The following SLFN5 variants were observed in gnomAD, a reference collection of about 807,000 sequenced individuals.
The protein encoded by SLFN5 is schlafen family member 5.
A neutral mutation model predicts 48.5 loss-of-function variants in SLFN5; 34 were observed. The observed-to-expected ratio is 0.70, with a 90% confidence interval of 0.53 to 0.93. The LOEUF (loss-of-function observed/expected upper bound fraction) is 0.93. Ranked by LOEUF, SLFN5 falls within the 40% of genes least tolerant of loss-of-function variation. The pLI is 0.00. For missense variants in SLFN5, 1,006 were observed against 1,071.3 expected, an observed-to-expected ratio of 0.94 and a Z score of 0.85; for synonymous variants, 387 against 396.2, an observed-to-expected ratio of 0.98 and a Z score of 0.28.
intron 1 of SLFN5, among the ~76,000 whole-genome samples, chr17:35,249,779 C>T (rs1482525003): frequency 1.3e-5 from 2 of 152,166 alleles, no homozygotes; most frequent in African/African-American, 2.4e-5. Context: ...TCAAGTTGCA[C>T]CTGCTATGAA....
Position 35,259,423 on chromosome 17 carries a change from A to G in SLFN5, c.733A>G (p.Lys245Glu). ...TCQVIGCEKE[K>E]IDLTSLRASI... ...TCAAGTGATTGGATGTGAAAAAGAG[A>G]AAATAGACCTTACGAGCTTGAGGGC... Residue 245 changes from lysine (K) to glutamate (E), a missense_variant, in exon 2 of 5, where the codon AAA becomes GAA. Physicochemically the swap from Lys to Glu is moderately conservative, Grantham distance 56 (BLOSUM62 1). Coordinates refer to ENST00000299977, the MANE Select transcript of SLFN5 (RefSeq NM_144975.4). 1 of 1,614,190 alleles carries G rather than the reference A, an allele frequency of 6.2e-7. No homozygotes were observed. Among genetic ancestry groups the G allele is most frequent in the South Asian group, 1.1e-5 (1 of 91,072 alleles).
chr17:35,253,690 GTTTTTTTTTT>G (rs57606643), intron 1 of SLFN5, among the ~76,000 whole-genome samples: 5 of 76,046 alleles, frequency 6.6e-5, no homozygotes, highest in African/African-American at 2.5e-4. Context: ...ATAGCTAACA[GTTTTTTTTTT>G]TTTTTTTTTT....
chr17:35,254,031 T>C (rs1047550826), intron 1 of SLFN5, among the ~76,000 whole-genome samples: 5 of 152,114 alleles, frequency 3.3e-5, no homozygotes, highest in African/African-American at 4.8e-5. Context: ...CTTCTCCACA[T>C]CCTGCCAATA....
chr17:35,260,340 A>G (rs1375531484), intron 2 of SLFN5, among the ~76,000 whole-genome samples: 2 of 152,230 alleles, frequency 1.3e-5, no homozygotes, highest in African/African-American at 4.8e-5. Flanking sequence ...GTCCAGAAAA[A>G]ACAAAGTCCA....
chr17:35,252,339 G>A (rs1237957207), intron 1 of SLFN5, among the ~76,000 whole-genome samples: 1 of 152,156 alleles, frequency 6.6e-6, no homozygotes, highest in Non-Finnish European at 1.5e-5. Context: ...GCTAAGGCAG[G>A]AGGATAGCTT....
chr17:35,247,993 G>A (rs2092434515), intron 1 of SLFN5, among the ~76,000 whole-genome samples: 1 of 152,176 alleles, frequency 6.6e-6, no homozygotes, highest in African/African-American at 2.4e-5. Context: ...GTCTGTGTTA[G>A]GAGGTGCCCA....
At position 35,265,736 on chromosome 17, in the gene SLFN5, T is replaced by A. The variant is rs1221555427; in HGVS notation, c.2524T>A (p.Leu842Met). ...GGATGTTCTAACCGATCACATTGTGTTGGACAGTGTCTGTCGATTTTCAGG... is the reference window on the plus strand; with the variant it reads ...GGATGTTCTAACCGATCACATTGTGATGGACAGTGTCTGTCGATTTTCAGG... ...ASDVLTDHIV[L>M]DSVCRFSGLE... Residue 842 changes from leucine to methionine, a missense_variant, in exon 5 of 5, where the codon TTG becomes ATG. Coordinates refer to ENST00000299977, the MANE Select transcript of SLFN5 (RefSeq NM_144975.4). 6.2e-6 allele frequency: 10 copies of A among 1,614,060 alleles called. No individual in the cohort carries two copies. The highest frequency in any genetic ancestry group is 1.3e-5 in the African/African-American group (1 of 74,910).
At chr17:35,255,352 C>T (rs989150314) in intron 1 of SLFN5, among the ~76,000 whole-genome samples, 6 of 152,156 alleles carry the variant, frequency 3.9e-5, no homozygotes, top group South Asian at 2.1e-4. Flanking sequence ...ACATTGAGCA[C>T]ATATTACTTT....
In SLFN5 at chr17:35,257,449, C is replaced by G. The variant is rs139421892; in HGVS notation, c.-40-1202C>G. On this transcript the variant is annotated intron_variant, in intron 1 of 4. Coordinates refer to ENST00000299977, the MANE Select transcript of SLFN5 (RefSeq NM_144975.4). ...GACAGGTGGCTTTTCCTGGCAACAC[C>G]CCAACAAAAACTTGAGCTCTTTTGC... is the stretch of plus-strand genomic sequence containing the variant. Among the ~76,000 whole-genome samples the G allele has an allele frequency of 4.0e-3, 606 of 152,280 alleles. 2 individuals are homozygous for G. Among genetic ancestry groups the G allele is most frequent in the African/African-American group, 0.014 (574 of 41,544 alleles).
At chr17:35,245,682 G>T (rs972503401) in intron 1 of SLFN5, among the ~76,000 whole-genome samples, 1 of 151,940 alleles carries the variant, frequency 6.6e-6, no homozygotes, top group Admixed American at 6.6e-5. Flanking sequence ...TTTTTATTAC[G>T]GTTGAGTAGT....
rs746098251 is a variant in SLFN5, at chr17:35,265,899, A to G, written c.*11A>G. 1 of 1,562,220 alleles carries G rather than the reference A, an allele frequency of 6.4e-7. No homozygotes were observed. The highest frequency in any genetic ancestry group is 1.4e-5 in the African/African-American group (1 of 72,808). ...AAGGCTTCTGTGTGACAGGAAACCC[A>G]AGCCTAAGAAACAATTAAGTGGTTC... is the stretch of plus-strand genomic sequence containing the variant. On this transcript the variant is annotated 3_prime_UTR_variant, in exon 5 of 5. Transcript: ENST00000299977.
rs1904501660 is a variant in SLFN5, at chr17:35,260,912, C to G, written c.1013-59C>G. The G allele has an allele frequency of 1.9e-6, 3 of 1,598,860 alleles. No individual in the cohort carries two copies. The African/African-American group carries it at 4.0e-5, about 21-fold the overall frequency. ...AGGTGAAAGACTTTGTAGCACAGCT[C>G]AGCTATAAGTTGGGGTCTGCCTTTT... On this transcript the variant is annotated intron_variant, in intron 2 of 4. Coordinates refer to ENST00000299977, the MANE Select transcript of SLFN5 (RefSeq NM_144975.4).
At chr17:35,246,980 A>G (rs537116297) in intron 1 of SLFN5, among the ~76,000 whole-genome samples, 4 of 152,320 alleles carry the variant, frequency 2.6e-5, no homozygotes, top group African/African-American at 9.6e-5. Flanking sequence ...GGCTAAATAT[A>G]CATACAAACT....
chr17:35,256,161 C>G (rs1904337133), intron 1 of SLFN5, among the ~76,000 whole-genome samples: 1 of 152,208 alleles, frequency 6.6e-6, no homozygotes, highest in Non-Finnish European at 1.5e-5. Flanking sequence ...GAGTTCAAGA[C>G]CAGCCTGGCA....
intron 1 of SLFN5, among the ~76,000 whole-genome samples, chr17:35,257,328 G>A (rs943804940): frequency 6.6e-6 from 1 of 152,118 alleles, no homozygotes; most frequent in Non-Finnish European, 1.5e-5. Context: ...GTCCTAAAAA[G>A]ATTAATTTTA....
rs1280248406 is a variant in SLFN5 at position 35,266,175 on chromosome 17, T to TGC, written c.*288_*289insCG. The TGC allele has an allele frequency of 0.025, 5,022 of 200,108 alleles. 126 individuals carry two copies. The highest frequency in any genetic ancestry group is 0.098 in the African/African-American group (3,279 of 33,544). The allele number at this position is 200,108 out of a possible 1,614,324, so 12.4% of individuals were successfully genotyped here. A position where few individuals can be genotyped will look rare whatever the true frequency, so the allele number is the denominator to read the frequency against. ...GTGTGTGTGTGTGTGTGTGTGTGTGTGTGCGCGCGCGCACGTGCACATGTG... is the reference window on the plus strand; with the variant it reads ...GTGTGTGTGTGTGTGTGTGTGTGTGTGCGTGCGCGCGCGCACGTGCACATGTG... On this transcript the variant is annotated 3_prime_UTR_variant, in exon 5 of 5. Transcript: ENST00000299977.
At chr17:35,260,496 G>A (rs111376925) in intron 2 of SLFN5, among the ~76,000 whole-genome samples, 2,977 of 152,168 alleles carry the variant, frequency 0.02, 108 homozygotes, top group African/African-American at 0.068. Context: ...AGGCCGAGGG[G>A]GGCAGATCAC....
At chr17:35,246,855 GA>G (rs35223656) in intron 1 of SLFN5, among the ~76,000 whole-genome samples, 2,718 of 133,680 alleles carry the variant, frequency 0.02, 81 homozygotes, top group African/African-American at 0.065. Context: ...CTCCATCTCA[GA>G]AAAAAAAAAA....
Position 35,266,155 on chromosome 17 carries a change from T to TGC in SLFN5, c.*268_*269insCG. 1 of 266,162 alleles carries TGC rather than the reference T, an allele frequency of 3.8e-6. No individual in the cohort carries two copies. The highest frequency in any genetic ancestry group is 2.7e-5 in the African/African-American group (1 of 37,098). The allele number at this position is 266,162 out of a possible 1,614,324, so 16.5% of individuals were successfully genotyped here. On this transcript the variant is annotated 3_prime_UTR_variant, in exon 5 of 5. Coordinates refer to ENST00000299977, the MANE Select transcript of SLFN5 (RefSeq NM_144975.4). ...TGAGACTCAGAGATGTGTGTGTGTGTGTGTGTGTGTGTGTGTGTGTGTGCG... is the reference window on the plus strand; with the variant it reads ...TGAGACTCAGAGATGTGTGTGTGTGTGCGTGTGTGTGTGTGTGTGTGTGTGCG...
Sources: gnomAD v4.1 joint callset for allele counts (sites outside exome capture counted in the v4.1 genomes callset) on GRCh38, gnomAD v4.1.1 for gene constraint, MANE v1.5 for transcripts, NCBI Gene and HGNC (gene_info 2026-07-23, HGNC 2026-07-21) for gene names.